Variants in CHSY3 observed in about 807,000 individuals in gnomAD.
The protein encoded by CHSY3 is N-acetylgalactosaminyl-proteoglycan 3-beta-glucuronosyltransferase 3.
In CHSY3, 35 loss-of-function variants were observed where a neutral mutation model predicts 67.2. The ratio of observed to expected loss-of-function variants is 0.52; its 90% CI spans 0.40 to 0.69. CHSY3 has a LOEUF of 0.69. CHSY3 is among the 30% of genes least tolerant of loss of function. The probability of loss-of-function intolerance (pLI) is 0.00; values close to 1 mark genes in which losing one functional copy is unlikely to be tolerated. For synonymous variants in CHSY3, 474 were observed against 434.7 expected (o/e 1.09, Z -1.12); for missense variants, 1,069 against 1,138.5 (o/e 0.94, Z 0.88).
chr5:129,975,096 A>G (rs1422115146), intron 2 of CHSY3: 1 of 152,236 alleles, frequency 6.6e-6, no homozygotes, highest in South Asian at 2.1e-4. Context: ...GTAGGGGGGA[A>G]GGATAGCATT....
intron 2 of CHSY3, among the ~76,000 whole-genome samples, chr5:130,004,354 A>G (rs1431390931): frequency 6.6e-6 from 1 of 152,226 alleles, no homozygotes; most frequent in African/African-American, 2.4e-5. Context: ...TTCAACGTTT[A>G]CAATTTTTAT....
chr5:129,949,989 C>T (rs1223049797), intron 2 of CHSY3, among the ~76,000 whole-genome samples: 1 of 151,766 alleles, frequency 6.6e-6, no homozygotes. Context: ...CATGGTGAAA[C>T]CTCATCTCTA....
chr5:129,957,951 G>A (rs1250244302), intron 2 of CHSY3, among the ~76,000 whole-genome samples: 2 of 151,542 alleles, frequency 1.3e-5, no homozygotes, highest in African/African-American at 4.9e-5. Context: ...AACTTACTAT[G>A]TTGATCCTCT....
intron 2 of CHSY3, among the ~76,000 whole-genome samples, chr5:130,171,827 C>A (rs1415483875): frequency 1.3e-5 from 2 of 152,154 alleles, no homozygotes; most frequent in Non-Finnish European, 2.9e-5. Context: ...TCATACAGAG[C>A]ATTAGTACAG....
chr5:129,917,985 A>G (rs1760786947), intron 2 of CHSY3, among the ~76,000 whole-genome samples: 1 of 152,168 alleles, frequency 6.6e-6, no homozygotes, highest in Non-Finnish European at 1.5e-5. Context: ...ATTTTAATCA[A>G]ACTAACTATT....
At chr5:129,973,658 GC>G (rs1762709718) in intron 2 of CHSY3, among the ~76,000 whole-genome samples, 1 of 151,870 alleles carries the variant, frequency 6.6e-6, no homozygotes, top group Non-Finnish European at 1.5e-5. Flanking sequence ...ATTTTTACAG[GC>G]ATTGCCTTGA....
At chr5:130,178,445 G>T (rs1412355370) in intron 2 of CHSY3, among the ~76,000 whole-genome samples, 1 of 150,672 alleles carries the variant, frequency 6.6e-6, no homozygotes, top group Non-Finnish European at 1.5e-5. Flanking sequence ...GTAGAGAGGG[G>T]GTTTCACCGT....
At chr5:130,063,969 G>A (rs1206512906) in intron 2 of CHSY3, among the ~76,000 whole-genome samples, 2 of 152,106 alleles carry the variant, frequency 1.3e-5, no homozygotes, top group African/African-American at 4.8e-5. Context: ...ATGATAATTA[G>A]TGAAGATTAT....
At chr5:129,923,600 T>TG (rs1760995559) in intron 2 of CHSY3, among the ~76,000 whole-genome samples, 1 of 152,138 alleles carries the variant, frequency 6.6e-6, no homozygotes, top group African/African-American at 2.4e-5. Flanking sequence ...TGGACCTCAC[T>TG]GAGAAGATGA....
At chr5:129,914,746 G>A (rs1312852025) in intron 2 of CHSY3, among the ~76,000 whole-genome samples, 1 of 152,186 alleles carries the variant, frequency 6.6e-6, no homozygotes, top group Non-Finnish European at 1.5e-5. Context: ...GATATGGTAA[G>A]CGTTGTAGGC....
intron 2 of CHSY3, among the ~76,000 whole-genome samples, chr5:129,913,234 C>G (rs1760627113): frequency 6.6e-6 from 1 of 152,184 alleles, no homozygotes; most frequent in Non-Finnish European, 1.5e-5. Flanking sequence ...TAAGACTCTT[C>G]TTTCACGTTT....
chr5:129,992,539 C>G (rs145685182), intron 2 of CHSY3, among the ~76,000 whole-genome samples: 188 of 152,252 alleles, frequency 1.2e-3, no homozygotes, highest in African/African-American at 4.4e-3. Context: ...ATTTTATGTT[C>G]TTAAACACAT....
At chr5:129,955,363 G>T (rs1390007685) in intron 2 of CHSY3, among the ~76,000 whole-genome samples, 1 of 151,962 alleles carries the variant, frequency 6.6e-6, no homozygotes, top group African/African-American at 2.4e-5. Context: ...CAAGTGATCT[G>T]CATTTATTCT....
At chr5:130,168,877 T>C (rs577884064) in intron 2 of CHSY3, among the ~76,000 whole-genome samples, 12 of 152,256 alleles carry the variant, frequency 7.9e-5, no homozygotes, top group Non-Finnish European at 1.6e-4. Context: ...CTTGTCTCCG[T>C]CACTAAATAG....
chr5:130,130,766 A>C (rs990928889), intron 2 of CHSY3, among the ~76,000 whole-genome samples: 6 of 152,138 alleles, frequency 3.9e-5, no homozygotes, highest in Non-Finnish European at 8.8e-5. Flanking sequence ...CCTCAGGTCC[A>C]CAAACCTCCA....
intron 2 of CHSY3, among the ~76,000 whole-genome samples, chr5:130,050,778 G>C (rs776489678): frequency 2.2e-4 from 34 of 152,020 alleles, no homozygotes; most frequent in Non-Finnish European, 4.9e-4. Context: ...GCATACATAT[G>C]AGTCAGCTAG....
At chr5:129,952,648 C>T (rs1424358076) in intron 2 of CHSY3, among the ~76,000 whole-genome samples, 1 of 152,056 alleles carries the variant, frequency 6.6e-6, no homozygotes, top group African/African-American at 2.4e-5. Context: ...AGCCTGTTTC[C>T]AGAGAGTGCG....
Position 129,904,905 on chromosome 5 carries a change from C to G in CHSY3, c.76C>G (p.Leu26Val). 1.3e-6 allele frequency: 2 copies of G among 1,530,652 alleles called. No individual in the cohort carries two copies. Among genetic ancestry groups the G allele is most frequent in the Non-Finnish European group, 8.8e-7 (1 of 1,140,286 alleles). 94.8% of individuals were successfully genotyped at this position (1,530,652 alleles called of 1,614,324 possible). ...GCTGGGCTTCACCGCCGCGTCCTGG[C>G]TCATCGCCCCCAGGGTGGCGGAGCT... The part of the protein sequence containing the change: ...LVLGFTAASW[L>V]IAPRVAELSE... Residue 26 changes from leucine to valine, a missense_variant, in exon 1 of 3, where the codon CTC becomes GTC. By Grantham distance (32) the Leu-to-Val change is conservative. Coordinates refer to ENST00000305031, the MANE Select transcript of CHSY3 (RefSeq NM_175856.5).
intron 2 of CHSY3, among the ~76,000 whole-genome samples, chr5:130,115,949 G>T (rs951765005): frequency 3.9e-5 from 6 of 152,128 alleles, no homozygotes; most frequent in African/African-American, 9.7e-5. Context: ...ATGGCTCAAA[G>T]ACTCCTCTCC....
Sources: gnomAD v4.1 joint callset for allele counts (sites outside exome capture counted in the v4.1 genomes callset) on GRCh38, gnomAD v4.1.1 for gene constraint, MANE v1.5 for transcripts, NCBI Gene and HGNC (gene_info 2026-07-23, HGNC 2026-07-21) for gene names.